DARS2: variants seen among roughly 807,000 people sequenced by gnomAD.
DARS2 encodes aspartate--tRNA ligase, mitochondrial.
Under a neutral mutation model 83.0 loss-of-function variants are expected in DARS2, and 63 were observed. The observed-to-expected ratio is 0.76, with a 90% CI of 0.62 to 0.94. The LOEUF is 0.94. Among genes scored for constraint, DARS2 ranks in the 40% least tolerant of loss-of-function variants. DARS2 has a pLI of 0.00. For missense variants in DARS2, 675 were observed against 774.4 expected (o/e 0.87, Z 1.52); for synonymous variants, 250 against 269.3 (o/e 0.93, Z 0.70).
At chr1:173,833,759 A>T (rs995411353) in intron 6 of DARS2, among the ~76,000 whole-genome samples, 1 of 151,962 alleles carries the variant, frequency 6.6e-6, no homozygotes, top group East Asian at 1.9e-4. Context: ...GGCTTTTTCT[A>T]TAAGATTTCT....
At chr1:173,830,557 T>C in intron 3 of DARS2, 103 bp from the exon 4 acceptor site, 1 of 941,804 alleles carries the variant, frequency 1.1e-6, no homozygotes, top group East Asian at 2.4e-5. Flanking sequence ...TTATGGTAAT[T>C]AAGCTGTGAC....
intron 15 of DARS2, among the ~76,000 whole-genome samples, chr1:173,855,605 A>G (rs1305723407): frequency 6.6e-6 from 1 of 152,072 alleles, no homozygotes; most frequent in Non-Finnish European, 1.5e-5. Context: ...TCCAGTCAGC[A>G]GTTTTCAGCC....
intron 13 of DARS2, chr1:173,851,725 ATTTT>A (rs1571997107): frequency 2.1e-6 from 1 of 467,270 alleles, no homozygotes; most frequent in Non-Finnish European, 2.8e-6. Context: ...ATATAAATTT[ATTTT>A]TTCACTTTAG....
At chr1:173,829,009 C>G (rs1351149627) in intron 3 of DARS2, among the ~76,000 whole-genome samples, 2 of 151,668 alleles carry the variant, frequency 1.3e-5, no homozygotes, top group African/African-American at 4.8e-5. Context: ...TATATTCTTA[C>G]AATACAATAC....
At chr1:173,831,895 G>C (rs1353773391) in intron 5 of DARS2, among the ~76,000 whole-genome samples, 1 of 152,080 alleles carries the variant, frequency 6.6e-6, no homozygotes, top group Non-Finnish European at 1.5e-5. Context: ...TAAAACTTGA[G>C]GTGTTATATT....
At chr1:173,827,561 G>T (rs1246859302) in intron 2 of DARS2, among the ~76,000 whole-genome samples, 1 of 152,056 alleles carries the variant, frequency 6.6e-6, no homozygotes, top group Non-Finnish European at 1.5e-5. Flanking sequence ...AACCCAGAAG[G>T]CAGAGGTTGC....
chr1:173,853,022 T>C (rs1397752583), intron 13 of DARS2, among the ~76,000 whole-genome samples: 2 of 152,168 alleles, frequency 1.3e-5, no homozygotes, highest in Non-Finnish European at 2.9e-5. Context: ...GATATTTTTA[T>C]CCCAATTTTA....
chr1:173,846,758 C>T (rs9425426), intron 12 of DARS2, among the ~76,000 whole-genome samples: 13,740 of 149,456 alleles, frequency 0.092, 2,008 homozygotes, highest in African/African-American at 0.31. Context: ...TTCACCCCAC[C>T]GCACTCCAGC....
Position 173,850,355 on chromosome 1 carries a change from A to G in DARS2, c.1220A>G (p.Asn407Ser), listed in dbSNP as rs752120872. 1.1e-5 allele frequency: 18 copies of G among 1,613,424 alleles called. No individual in the cohort carries two copies. Among genetic ancestry groups the G allele is most frequent in the South Asian group, 3.3e-5 (3 of 91,032 alleles). Residue 407 changes from asparagine to serine, a missense_variant, in exon 13 of 17, where the codon AAT becomes AGT. Transcript: ENST00000649689. ...QEILPVFLNANRNWNSPVANF... is the reference protein window; with the variant it reads ...QEILPVFLNASRNWNSPVANF... ...ATCTTACCTGTATTCCTTAACGCCA[A>G]TAGAAACTGGAATTCTCCAGTTGCT...
intron 10 of DARS2, among the ~76,000 whole-genome samples, chr1:173,840,175 ACCAACTT>A (rs1653152497): frequency 6.6e-6 from 1 of 152,228 alleles, no homozygotes; most frequent in South Asian, 2.1e-4. Flanking sequence ...AGTCATAACT[ACCAACTT>A]ACAGCTGCCA....
chr1:173,846,013 C>T (rs1178647726), intron 12 of DARS2, among the ~76,000 whole-genome samples: 1 of 152,142 alleles, frequency 6.6e-6, no homozygotes, highest in Non-Finnish European at 1.5e-5. Context: ...AAAAAATTAG[C>T]TGGGCGTGGT....
chr1:173,847,968 T>C (rs1653501880), intron 12 of DARS2, among the ~76,000 whole-genome samples: 1 of 148,512 alleles, frequency 6.7e-6, no homozygotes, highest in Admixed American at 6.8e-5. Context: ...TTCTTCTGCC[T>C]CAGCCTCCTG....
In DARS2 at chr1:173,838,276, A is replaced by G; in HGVS notation, c.840+17A>G. 1 of 1,598,226 alleles carries G rather than the reference A, an allele frequency of 6.3e-7. No homozygotes were observed. Among genetic ancestry groups the G allele is most frequent in the South Asian group, 1.1e-5 (1 of 90,718 alleles). ...TTTACTCAGGTACAAAGTTATATTC[A>G]CTTGTTTCTTAAAATTCAGGCTTAC... is the stretch of plus-strand genomic sequence containing the variant. On this transcript the variant is annotated intron_variant, in intron 9 of 16. Coordinates refer to ENST00000649689, the MANE Select transcript of DARS2 (RefSeq NM_018122.5).
Position 173,844,325 on chromosome 1 carries a change from G to A in DARS2, c.1129-904G>A, listed in dbSNP as rs576075276. Among the ~76,000 whole-genome samples, 295 of 152,120 alleles carry A rather than the reference G, an allele frequency of 1.9e-3. 1 individual carries two copies. The highest frequency in any genetic ancestry group is 6.7e-3 in the African/African-American group (277 of 41,506). Reference sequence around the variant, plus strand: ...GACATTCATGTTGAACATTTATCCTGCATATTAGATATAGAGGGTCTCCTG... The same window carrying A: ...GACATTCATGTTGAACATTTATCCTACATATTAGATATAGAGGGTCTCCTG... On this transcript the variant is annotated intron_variant, in intron 11 of 16. Transcript: ENST00000649689.
chr1:173,834,579 ACTT>A lies in DARS2; in HGVS notation c.663+61_663+63del, dbSNP rs1652907441. ...GTCCTATTAGTTATAAAGCTAGACT[ACTT>A]TGCTTTTATATTCACTTGGTCCACT... is the stretch of plus-strand genomic sequence containing the variant. On this transcript the variant is annotated intron_variant, in intron 7 of 16. Coordinates refer to ENST00000649689, the MANE Select transcript of DARS2 (RefSeq NM_018122.5). 39 of 1,371,724 alleles carry A rather than the reference ACTT, an allele frequency of 2.8e-5. No homozygotes were observed. The East Asian group carries it at 8.7e-4, about 31-fold the overall frequency. The allele number at this position is 1,371,724 out of a possible 1,614,324, so 85.0% of individuals were successfully genotyped here.
intron 10 of DARS2, among the ~76,000 whole-genome samples, chr1:173,839,840 A>T (rs1018236915): frequency 1.3e-5 from 2 of 152,206 alleles, no homozygotes; most frequent in African/African-American, 4.8e-5. Flanking sequence ...AAGAAAAAAT[A>T]ACTATTCTTT....
intron 12 of DARS2, among the ~76,000 whole-genome samples, chr1:173,849,558 A>T (rs886883135): frequency 4.0e-5 from 6 of 149,512 alleles, no homozygotes; most frequent in Middle Eastern, 3.2e-3. Flanking sequence ...AGCTGGTTGG[A>T]AGCTCAAGAG....
intron 9 of DARS2, 51 bp from the exon 10 acceptor site, chr1:173,839,316 A>G (rs1557858280): frequency 6.5e-7 from 1 of 1,532,322 alleles, no homozygotes; most frequent in East Asian, 2.3e-5. Flanking sequence ...AAATATATAA[A>G]TGTGTATATA....
At chr1:173,833,582 AG>A in intron 6 of DARS2, 83 bp downstream of exon 6, 1 of 1,557,380 alleles carries the variant, frequency 6.4e-7, no homozygotes, top group Non-Finnish European at 8.8e-7. Flanking sequence ...TCCTTTCCTT[AG>A]CATGAGGTCA....
Sources: gnomAD v4.1 joint callset for allele counts (sites outside exome capture counted in the v4.1 genomes callset) on GRCh38, gnomAD v4.1.1 for gene constraint, MANE v1.5 for transcripts, NCBI Gene and HGNC (gene_info 2026-07-23, HGNC 2026-07-21) for gene names.